DPP6: variants seen among roughly 807,000 people sequenced by gnomAD.
DPP6 encodes dipeptidyl peptidase like 6, also known as A-type potassium channel modulatory protein DPP6.
In DPP6, 69 loss-of-function variants were observed where a neutral mutation model predicts 122.6. The observed-to-expected ratio is 0.56, with a 90% confidence interval of 0.46 to 0.69. The LOEUF is 0.69. DPP6 is among the 30% of genes least tolerant of loss of function. The pLI is 0.00. For synonymous variants in DPP6, 418 were observed against 433.1 expected (o/e 0.97, Z 0.43); for missense variants, 928 against 1,116.9 (o/e 0.83, Z 2.41).
chr7:154,782,590 C>G (rs1008397472), intron 10 of DPP6, among the ~76,000 whole-genome samples: 2 of 152,008 alleles, frequency 1.3e-5, no homozygotes, highest in African/African-American at 4.8e-5. Context: ...TTAAATAGCG[C>G]TTGGAGTTAT....
intron 1 of DPP6, among the ~76,000 whole-genome samples, chr7:153,928,751 A>T (rs1207782593): frequency 6.6e-6 from 1 of 152,136 alleles, no homozygotes; most frequent in Non-Finnish European, 1.5e-5. Flanking sequence ...GGGGACACAG[A>T]CATTTGCACC....
At chr7:153,814,055 T>G in the DPP6 span, among the ~76,000 whole-genome samples, 7 of 152,174 alleles carry the variant, frequency 4.6e-5, no homozygotes, top group South Asian at 2.1e-4. Context: ...TTTTGGCTTT[T>G]GTTGCCATTG....
the DPP6 span, among the ~76,000 whole-genome samples, chr7:153,825,206 G>A: frequency 1.3e-5 from 2 of 152,074 alleles, no homozygotes; most frequent in Admixed American, 6.5e-5. Flanking sequence ...TCCTGTGCTC[G>A]TCTGTGTCTT....
intron 1 of DPP6, among the ~76,000 whole-genome samples, chr7:154,213,574 C>G (rs1799849669): frequency 6.6e-6 from 1 of 152,182 alleles, no homozygotes; most frequent in African/African-American, 2.4e-5. Flanking sequence ...AAGCCTCGCA[C>G]ACAGAGCTGG....
intron 1 of DPP6, among the ~76,000 whole-genome samples, chr7:154,410,331 A>G (rs1352818153): frequency 6.6e-6 from 1 of 152,244 alleles, no homozygotes; most frequent in Non-Finnish European, 1.5e-5. Flanking sequence ...AAGCAATAAA[A>G]AGGTTTACAG....
In DPP6 at chr7:154,398,250, C is replaced by G. The variant is rs192602788; in HGVS notation, c.244-47964C>G. 2.0e-5 allele frequency among the ~76,000 whole-genome samples: 3 copies of G among 152,208 alleles called. No homozygotes were observed. The East Asian group carries it at 5.8e-4, about 29-fold the overall frequency. ...CTCTGTGAGGTACTCATTTTTAAGCCCATCCCTAAAAATGAGGAAACCGAG... is the reference window on the plus strand; with the variant it reads ...CTCTGTGAGGTACTCATTTTTAAGCGCATCCCTAAAAATGAGGAAACCGAG... On this transcript the variant is annotated intron_variant, in intron 1 of 25. Coordinates refer to ENST00000377770, the MANE Select transcript of DPP6 (RefSeq NM_130797.4).
chr7:154,296,644 A>G (rs1805560952), intron 1 of DPP6, among the ~76,000 whole-genome samples: 1 of 152,212 alleles, frequency 6.6e-6, no homozygotes, highest in South Asian at 2.1e-4. Context: ...TTAGGAAGAG[A>G]AAAGATGAAA....
intron 8 of DPP6, among the ~76,000 whole-genome samples, chr7:154,758,496 T>C (rs1795296828): frequency 1.3e-5 from 2 of 151,738 alleles, no homozygotes; most frequent in Admixed American, 6.6e-5. Context: ...CTCAGCCTCC[T>C]GAGTAGCTGG....
At chr7:154,233,677 G>C (rs529507586) in intron 1 of DPP6, among the ~76,000 whole-genome samples, 1 of 152,302 alleles carries the variant, frequency 6.6e-6, no homozygotes, top group East Asian at 1.9e-4. Context: ...TTGGAGAAGG[G>C]CATAGGACAG....
At chr7:153,762,786 AAAT>A in the DPP6 span, among the ~76,000 whole-genome samples, 19 of 152,060 alleles carry the variant, frequency 1.2e-4, no homozygotes, top group African/African-American at 3.9e-4. Context: ...ATCTCAAAAA[AAAT>A]AATAATAAAA....
intron 2 of DPP6, among the ~76,000 whole-genome samples, chr7:154,474,147 CA>C (rs1470502983): frequency 6.6e-6 from 1 of 152,162 alleles, no homozygotes; most frequent in Admixed American, 6.5e-5. Flanking sequence ...TGTGTCTTTT[CA>C]AAGTCAATAA....
At chr7:154,348,666 GT>G (rs1810597198) in intron 1 of DPP6, among the ~76,000 whole-genome samples, 1 of 152,158 alleles carries the variant, frequency 6.6e-6, no homozygotes, top group Non-Finnish European at 1.5e-5. Context: ...ACTCTTCTCG[GT>G]TGCATAATTG....
At chr7:154,662,527 A>T (rs1837796626) in intron 6 of DPP6, among the ~76,000 whole-genome samples, 1 of 43,704 alleles carries the variant, frequency 2.3e-5, no homozygotes, top group Non-Finnish European at 4.9e-5. Context: ...GTGTTCATAT[A>T]GTCATGGTGA....
At chr7:154,783,209 C>T (rs1234162289) in intron 10 of DPP6, among the ~76,000 whole-genome samples, 1 of 152,172 alleles carries the variant, frequency 6.6e-6, no homozygotes. Context: ...CCACAAAGGC[C>T]TCGCATCCCC....
At chr7:154,255,292 G>A (rs1220493371) in intron 1 of DPP6, among the ~76,000 whole-genome samples, 1 of 152,170 alleles carries the variant, frequency 6.6e-6, no homozygotes, top group Non-Finnish European at 1.5e-5. Context: ...ACTTTCCTAG[G>A]GGCAGTGTGA....
chr7:154,402,229 C>T (rs1815681314), intron 1 of DPP6, among the ~76,000 whole-genome samples: 1 of 151,860 alleles, frequency 6.6e-6, no homozygotes, highest in Non-Finnish European at 1.5e-5. Flanking sequence ...ACCATTTGAC[C>T]CAGCCATCCC....
intron 2 of DPP6, among the ~76,000 whole-genome samples, chr7:154,470,953 C>T (rs1028834658): frequency 1.2e-4 from 18 of 152,024 alleles, no homozygotes; most frequent in African/African-American, 4.1e-4. Context: ...AAATAAATAA[C>T]GAAAAACACA....
intron 25 of DPP6, chr7:154,889,804 G>C (rs548983112): frequency 2.1e-6 from 1 of 478,404 alleles, no homozygotes; most frequent in Non-Finnish European, 3.6e-6. Context: ...CCCCTCCTCC[G>C]GGCAGTGAGA....
chr7:154,622,663 A>G (rs1030784788), intron 5 of DPP6, among the ~76,000 whole-genome samples: 5 of 152,216 alleles, frequency 3.3e-5, no homozygotes, highest in African/African-American at 4.8e-5. Flanking sequence ...TGGATACCAT[A>G]GCAGCATGAA....
Sources: gnomAD v4.1 joint callset for allele counts (sites outside exome capture counted in the v4.1 genomes callset) on GRCh38, gnomAD v4.1.1 for gene constraint, MANE v1.5 for transcripts, NCBI Gene and HGNC (gene_info 2026-07-23, HGNC 2026-07-21) for gene names.